The following MAP3K13 variants were observed in gnomAD, a reference collection of about 807,000 sequenced individuals.
MAP3K13 encodes the protein leucine zipper-bearing kinase.
A neutral mutation model predicts 104.0 loss-of-function variants in MAP3K13; 52 were observed. That is an observed-to-expected ratio of 0.50 (90% confidence interval 0.40 to 0.63). The LOEUF is 0.63. Ranked by LOEUF, MAP3K13 falls within the 20% of genes least tolerant of loss-of-function variation. MAP3K13 has a pLI of 0.00. For synonymous variants in MAP3K13, 394 were observed against 442.2 expected (o/e 0.89, Z 1.37); for missense variants, 914 against 1,218.5 (o/e 0.75, Z 3.72).
At chr3:185,464,126 A>G (rs1717271678) in intron 8 of MAP3K13, among the ~76,000 whole-genome samples, 1 of 152,190 alleles carries the variant, frequency 6.6e-6, no homozygotes. Flanking sequence ...TCTACTAAAA[A>G]TACAAAAAAT....
chr3:185,441,910 G>A (rs891208998), intron 3 of MAP3K13, among the ~76,000 whole-genome samples: 4 of 151,866 alleles, frequency 2.6e-5, no homozygotes, highest in Admixed American at 2.0e-4. Flanking sequence ...GTGTGGTGGT[G>A]GGCACCTGTA....
In MAP3K13 at chr3:185,374,761, T is replaced by C. The variant is rs184034500; in HGVS notation, c.-86+11393T>C. On this transcript the variant is annotated intron_variant, in intron 1 of 13. Transcript: ENST00000265026. ...TCATTTAAAAACATAGAGTCCCCCT[T>C]TTTTTTTAGCAGTGAGTAAGTCAAT... is the stretch of plus-strand genomic sequence containing the variant. Among the ~76,000 whole-genome samples, 925 of 151,312 alleles carry C rather than the reference T, an allele frequency of 6.1e-3. 7 individuals carry two copies. The highest frequency in any genetic ancestry group is 0.022 in the African/African-American group (889 of 41,190).
At chr3:185,433,746 G>A (rs1714874126) in intron 2 of MAP3K13, among the ~76,000 whole-genome samples, 1 of 152,154 alleles carries the variant, frequency 6.6e-6, no homozygotes. Context: ...GCACAGGCAT[G>A]AGGTAGAGGT....
At position 185,418,759 on chromosome 3, in the gene MAP3K13, A is replaced by G; in HGVS notation, c.-85-9738A>G. On this transcript the variant is annotated intron_variant, in intron 1 of 13. Transcript: ENST00000265026. This position sits in a 1 kb window ranked among gnomAD's most constrained non-coding sequence, Gnocchi z 4.5. Reference sequence around the variant, plus strand: ...CCCCTTTTCGGAGTACACCGATATCATTGGGCGAGCACACGCCATGGCGGA... The same window carrying G: ...CCCCTTTTCGGAGTACACCGATATCGTTGGGCGAGCACACGCCATGGCGGA... 2 of 1,607,706 alleles carry G rather than the reference A, an allele frequency of 1.2e-6. No homozygotes were observed. Among genetic ancestry groups the G allele is most frequent in the Non-Finnish European group, 1.7e-6 (2 of 1,175,146 alleles).
chr3:185,459,511 G>A (rs1438375902), intron 7 of MAP3K13, among the ~76,000 whole-genome samples: 1 of 152,040 alleles, frequency 6.6e-6, no homozygotes, highest in Non-Finnish European at 1.5e-5. Context: ...GCAGTGGTGT[G>A]ATCTCAGCCC....
At chr3:185,382,423 G>A (rs1009374862) in intron 1 of MAP3K13, among the ~76,000 whole-genome samples, 26 of 152,182 alleles carry the variant, frequency 1.7e-4, no homozygotes, top group African/African-American at 6.3e-4. Context: ...TGTATATGAT[G>A]TAGTGATAAG....
intron 1 of MAP3K13, among the ~76,000 whole-genome samples, chr3:185,366,587 C>A (rs1033366962): frequency 6.6e-6 from 1 of 152,204 alleles, no homozygotes; most frequent in Non-Finnish European, 1.5e-5. Flanking sequence ...AGCACATCCT[C>A]TTCAACACTT....
intron 2 of MAP3K13, among the ~76,000 whole-genome samples, chr3:185,343,646 T>C (rs1722805684): frequency 1.3e-5 from 2 of 152,060 alleles, no homozygotes; most frequent in South Asian, 4.1e-4. Flanking sequence ...AGAGATGGGG[T>C]TTCACCGTGT....
intron 2 of MAP3K13, among the ~76,000 whole-genome samples, chr3:185,335,538 C>G (rs1480295177): frequency 6.6e-6 from 1 of 152,050 alleles, no homozygotes; most frequent in African/African-American, 2.4e-5. Flanking sequence ...TTTTCATTTT[C>G]CTTGCTGCAG....
intron 1 of MAP3K13, among the ~76,000 whole-genome samples, chr3:185,380,258 ATC>A (rs2108757841): frequency 6.6e-6 from 1 of 151,980 alleles, no homozygotes; most frequent in African/African-American, 2.4e-5. Context: ...CAAATCTGTA[ATC>A]CCAGCACTTT....
chr3:185,357,712 A>G (rs1295031445), intron 2 of MAP3K13, among the ~76,000 whole-genome samples: 1 of 152,146 alleles, frequency 6.6e-6, no homozygotes, highest in Non-Finnish European at 1.5e-5. Flanking sequence ...GATTTGCTTC[A>G]GTACATTTGT....
rs1438704659 is a variant in MAP3K13, at chr3:185,344,835, A to G, written c.-86+59192A>G. Among the ~76,000 whole-genome samples, 4 of 151,928 alleles carry G rather than the reference A, an allele frequency of 2.6e-5. No homozygotes were observed. In the East Asian group the frequency reaches 7.7e-4, roughly 29 times the overall value. ...TTCACCAGGTGATCTGCCTTCTATA[A>G]TGTTATTGGAAATGGGATCTCGCAA... On this transcript the variant is annotated intron_variant, in intron 2 of 14. Transcript: ENST00000424227.
At chr3:185,309,415 G>A (rs1264416347) in intron 2 of MAP3K13, among the ~76,000 whole-genome samples, 1 of 151,872 alleles carries the variant, frequency 6.6e-6, no homozygotes, top group African/African-American at 2.4e-5. Context: ...GAGGCTGGGA[G>A]GTGCGAGGGT....
intron 2 of MAP3K13, chr3:185,291,968 T>C: frequency 9.3e-7 from 1 of 1,079,068 alleles, no homozygotes; most frequent in South Asian, 4.3e-5. Context: ...AAGCATAAAT[T>C]TGGTGAATTT....
chr3:185,434,101 A>G (rs573728049), intron 2 of MAP3K13, among the ~76,000 whole-genome samples: 1 of 152,316 alleles, frequency 6.6e-6, no homozygotes, highest in Admixed American at 6.5e-5. Flanking sequence ...AGGCAGTGGA[A>G]GAAATTACAA....
intron 1 of MAP3K13, among the ~76,000 whole-genome samples, chr3:185,421,603 C>T (rs895702088): frequency 2.6e-5 from 4 of 152,144 alleles, no homozygotes; most frequent in Non-Finnish European, 5.9e-5. Flanking sequence ...AAAATCTTGC[C>T]CCACTTCCTT....
At chr3:185,386,561 A>T (rs554725687) in intron 1 of MAP3K13, among the ~76,000 whole-genome samples, 44 of 152,168 alleles carry the variant, frequency 2.9e-4, no homozygotes, top group Non-Finnish European at 4.1e-4. Context: ...TATATACCCA[A>T]AGGAATATAA....
At position 185,454,337 on chromosome 3, in the gene MAP3K13, T is replaced by G. The variant is rs1182777353; in HGVS notation, c.1278+2942T>G. Among the ~76,000 whole-genome samples the G allele has an allele frequency of 1.3e-4, 9 of 71,196 alleles. 1 individual carries two copies. The highest frequency in any genetic ancestry group is 9.8e-4 in the South Asian group (2 of 2,032). The allele number at this position is 71,196 out of a possible 152,430, so 46.7% of individuals were successfully genotyped here. ...TGAGATATATATGAGATATATATGA[T>G]ATATATGAGATATATGAGATATATA... On this transcript the variant is annotated intron_variant, in intron 7 of 13. Coordinates refer to ENST00000265026, the MANE Select transcript of MAP3K13 (RefSeq NM_004721.5).
At chr3:185,425,129 C>T (rs1714340788) in intron 1 of MAP3K13, among the ~76,000 whole-genome samples, 1 of 152,050 alleles carries the variant, frequency 6.6e-6, no homozygotes, top group South Asian at 2.1e-4. Context: ...AAACTTCTGC[C>T]CCTGTGATAA....
Sources: gnomAD v4.1 joint callset for allele counts (sites outside exome capture counted in the v4.1 genomes callset) on GRCh38, gnomAD v4.1.1 for gene constraint, Gnocchi (gnomAD v3.1) non-coding constraint, MANE v1.5 for transcripts, NCBI Gene and HGNC (gene_info 2026-07-23, HGNC 2026-07-21) for gene names.